Variants in SNRPN observed in about 807,000 individuals in gnomAD.
SNRPN encodes small nuclear ribonucleoprotein polypeptide N.
A neutral mutation model predicts 25.2 loss-of-function variants in SNRPN; 7 were observed. That is an observed-to-expected ratio of 0.28 (90% CI 0.16 to 0.52). The LOEUF is 0.52. Among genes scored for constraint, SNRPN ranks in the 20% least tolerant of loss-of-function variants. The pLI, the probability that SNRPN is intolerant of heterozygous loss-of-function variation, is 0.96. For missense variants in SNRPN, 196 were observed against 322.5 expected (o/e 0.61, Z 3.00); for synonymous variants, 124 against 110.6 (o/e 1.12, Z -0.76).
intron 2 of SNRPN, among the ~76,000 whole-genome samples, chr15:24,902,121 G>A (rs1055388658): frequency 6.6e-6 from 1 of 152,188 alleles, no homozygotes; most frequent in African/African-American, 2.4e-5. Context: ...GCATTTTTGT[G>A]AACAAAATTT....
chr15:24,881,604 AGAGAGAGAGAGAGAGAAAGTC>A (rs2056671461), intron 1 of SNRPN, among the ~76,000 whole-genome samples: 1 of 68,554 alleles, frequency 1.5e-5, no homozygotes, highest in Non-Finnish European at 3.0e-5. Flanking sequence ...AGAGAGAGAG[AGAGAGAGAGAGAGAGAAAGTC>A]ACAGTAAGGC....
chr15:24,876,895 G>C (rs2055953937), intron 1 of SNRPN, among the ~76,000 whole-genome samples: 2 of 152,162 alleles, frequency 1.3e-5, no homozygotes, highest in Admixed American at 1.3e-4. Context: ...CAGTACACTT[G>C]AAGGAAGCTA....
chr15:24,866,755 T>A (rs1466689154), intron 1 of SNRPN, among the ~76,000 whole-genome samples: 1 of 152,130 alleles, frequency 6.6e-6, no homozygotes, highest in Non-Finnish European at 1.5e-5. Context: ...GAAATCACAT[T>A]TTTTAGATTT....
In SNRPN at chr15:24,838,270, C is replaced by T. The variant is rs185823839; in HGVS notation, c.-579+8365C>T. On this transcript the variant is annotated intron_variant, in intron 2 of 12. Coordinates refer to the SNRPN transcript ENST00000400100. ...CAGGATGGTCTCAATCTCCTGACCT[C>T]GTGATCCACCCGCCTCGGCCTCCCA... Among the ~76,000 whole-genome samples, 708 of 148,340 alleles carry T rather than the reference C, an allele frequency of 4.8e-3. 10 individuals are homozygous for T. The highest frequency in any genetic ancestry group is 0.017 in the African/African-American group (673 of 40,062).
At chr15:24,853,328 A>T (rs1434136203), upstream of SNRPN, among the ~76,000 whole-genome samples, 2 of 152,096 alleles carry the variant, frequency 1.3e-5, no homozygotes, top group East Asian at 3.8e-4. Context: ...ATGCTTCATA[A>T]GCTGTTGACA....
At chr15:24,919,385 A>C (rs1388471772) in intron 2 of SNRPN, among the ~76,000 whole-genome samples, 3 of 150,556 alleles carry the variant, frequency 2.0e-5, no homozygotes, top group South Asian at 2.1e-4. Flanking sequence ...GAGCCGAGAT[A>C]GCGCCACTGC....
intron 2 of SNRPN, among the ~76,000 whole-genome samples, chr15:24,914,440 A>G (rs1432579727): frequency 6.6e-6 from 1 of 152,154 alleles, no homozygotes; most frequent in Non-Finnish European, 1.5e-5. Context: ...TATGCCTGTA[A>G]TCCCAGCATT....
intron 2 of SNRPN, 76 bp from the exon 3 acceptor site, chr15:24,967,856 C>A: frequency 8.9e-7 from 1 of 1,127,676 alleles, no homozygotes; most frequent in Non-Finnish European, 1.3e-6. Context: ...GTAAGGGTAC[C>A]TAGTTTTCTT....
chr15:24,920,785 TTGTA>T (rs36061418), intron 3 of SNRPN, among the ~76,000 whole-genome samples: 15,536 of 152,126 alleles, frequency 0.1, 969 homozygotes, highest in East Asian at 0.32. Context: ...TTCCAGTGTT[TTGTA>T]TGTTTATTAT....
At chr15:24,876,211 AT>A (rs547553142) in intron 1 of SNRPN, among the ~76,000 whole-genome samples, 2 of 151,846 alleles carry the variant, frequency 1.3e-5, no homozygotes, top group East Asian at 1.9e-4. Flanking sequence ...ACTTGTGTAC[AT>A]TTTTTTTCCT....
intron 2 of SNRPN, among the ~76,000 whole-genome samples, chr15:24,966,540 A>G (rs1488568136): frequency 1.3e-5 from 2 of 151,270 alleles, no homozygotes; most frequent in Non-Finnish European, 2.9e-5. Context: ...CAAAACCCCA[A>G]CCCTTTAGTC....
intron 1 of SNRPN, among the ~76,000 whole-genome samples, chr15:24,881,652 AC>A (rs1371561670): frequency 6.6e-6 from 1 of 151,204 alleles, no homozygotes; most frequent in African/African-American, 2.4e-5. Flanking sequence ...GCAGAGTGAA[AC>A]AAAAACTAAA....
chr15:24,881,454 C>A (rs774040944), intron 1 of SNRPN, among the ~76,000 whole-genome samples: 2 of 150,904 alleles, frequency 1.3e-5, no homozygotes, highest in African/African-American at 2.4e-5. Context: ...TTGCTTGAAC[C>A]TGGGAGGCAG....
intron 3 of SNRPN, 24 bp from the exon 4 acceptor site, chr15:24,974,287 G>C: frequency 1.5e-6 from 1 of 661,390 alleles, no homozygotes; most frequent in Admixed American, 2.5e-5. Context: ...TTGCAGTGCA[G>C]CTTTAACATG....
chr15:24,872,244 T>C (rs972247168), intron 1 of SNRPN, among the ~76,000 whole-genome samples: 1 of 115,614 alleles, frequency 8.6e-6, no homozygotes, highest in African/African-American at 3.0e-5. Context: ...CTCAGCTCAC[T>C]GCAACCTCTG....
chr15:24,968,428 G>GT (rs1474474219), intron 3 of SNRPN: 6 of 185,798 alleles, frequency 3.2e-5, no homozygotes, highest in Non-Finnish European at 4.5e-5. Flanking sequence ...TCTGCCAGTA[G>GT]TTTGAACAAA....
At chr15:24,905,112 CAAAA>C (rs35185358) in intron 2 of SNRPN, among the ~76,000 whole-genome samples, 25 of 125,214 alleles carry the variant, frequency 2.0e-4, no homozygotes, top group African/African-American at 5.4e-4. Context: ...GACTCCGTCT[CAAAA>C]AAAAAAAAAA....
At chr15:24,959,354 C>T (rs548276504) in intron 1 of SNRPN, among the ~76,000 whole-genome samples, 7 of 152,212 alleles carry the variant, frequency 4.6e-5, no homozygotes, top group African/African-American at 1.2e-4. Flanking sequence ...AAGCCAGGTG[C>T]GGTGGCTCAT....
At chr15:24,863,999 T>TTGTATTTA (rs377443160) in intron 1 of SNRPN, among the ~76,000 whole-genome samples, 1 of 148,738 alleles carries the variant, frequency 6.7e-6, no homozygotes, top group Non-Finnish European at 1.5e-5. Context: ...CTTTTTTAAA[T>TTGTATTTA]TTTATTTATT....
Sources: allele counts gnomAD v4.1 joint callset (sites outside exome capture counted in the v4.1 genomes callset), GRCh38; gene constraint gnomAD v4.1.1; transcripts MANE v1.5; gene names NCBI Gene and HGNC (gene_info 2026-07-23, HGNC 2026-07-21).